Variants in KLHL5 observed in about 807,000 individuals in gnomAD.
KLHL5 encodes kelch-like protein 5.
Under a neutral mutation model 77.7 loss-of-function variants are expected in KLHL5, and 48 were observed. The ratio of observed to expected loss-of-function variants is 0.62; its 90% CI spans 0.49 to 0.79. The LOEUF (loss-of-function observed/expected upper bound fraction) is 0.79. Ranked by LOEUF, KLHL5 falls within the 30% of genes least tolerant of loss-of-function variation. The probability of loss-of-function intolerance (pLI) is 0.00; values close to 1 mark genes in which losing one functional copy is unlikely to be tolerated. For missense variants in KLHL5, 723 were observed against 859.7 expected (o/e 0.84, Z 1.99); for synonymous variants, 260 against 297.0 (o/e 0.88, Z 1.28).
At chr4:39,080,987 T>C (rs1719562020) in intron 2 of KLHL5, 116 bp from the exon 3 acceptor site, 2 of 953,618 alleles carry the variant, frequency 2.1e-6, no homozygotes, top group Non-Finnish European at 3.0e-6. Context: ...AAGCTTAAAA[T>C]GCATTTCCTA....
chr4:39,090,630 G>T (rs918566029), intron 5 of KLHL5, among the ~76,000 whole-genome samples: 4 of 151,838 alleles, frequency 2.6e-5, no homozygotes, highest in Non-Finnish European at 5.9e-5. Context: ...TGTATTTTTA[G>T]TAGAGATGGG....
At chr4:39,088,606 A>G (rs1358317622) in intron 5 of KLHL5, among the ~76,000 whole-genome samples, 1 of 152,130 alleles carries the variant, frequency 6.6e-6, no homozygotes, top group African/African-American at 2.4e-5. Flanking sequence ...GGTGGAAGAA[A>G]TAGATTAAAA....
chr4:39,048,934 G>A (rs952539891), intron 1 of KLHL5, among the ~76,000 whole-genome samples: 7 of 152,052 alleles, frequency 4.6e-5, no homozygotes, highest in African/African-American at 1.4e-4. Context: ...GAACCACCGC[G>A]CCTGGTGTAC....
At chr4:39,100,396 C>A (rs1024933271) in intron 6 of KLHL5, among the ~76,000 whole-genome samples, 4 of 152,138 alleles carry the variant, frequency 2.6e-5, no homozygotes, top group Non-Finnish European at 5.9e-5. Flanking sequence ...CCTTCTAATT[C>A]CAGTTAGCCT....
chr4:39,132,310 C>T, the KLHL5 span, among the ~76,000 whole-genome samples: 1 of 152,106 alleles, frequency 6.6e-6, no homozygotes, highest in Non-Finnish European at 1.5e-5. Flanking sequence ...GAAAATCTTC[C>T]CACAAAGAAA....
At chr4:39,139,781 G>A in the KLHL5 span, among the ~76,000 whole-genome samples, 1 of 152,192 alleles carries the variant, frequency 6.6e-6, no homozygotes, top group Non-Finnish European at 1.5e-5. Flanking sequence ...TGATGTTCCT[G>A]CCAAAGATGC....
Position 39,113,003 on chromosome 4 carries a change from A to G in KLHL5, c.1689-17A>G. ...TGGCACATGTCTTATTTATCATTTC[A>G]TATATTCTTTTTGCAGACTTTATGC... On this transcript the variant is annotated splice_polypyrimidine_tract_variant and intron_variant, in intron 8 of 10. Transcript: ENST00000504108. 3 of 1,605,154 alleles carry G rather than the reference A, an allele frequency of 1.9e-6. No homozygotes were observed. The highest frequency in any genetic ancestry group is 2.6e-6 in the Non-Finnish European group (3 of 1,173,754).
At chr4:39,077,795 G>T (rs1719219806) in intron 2 of KLHL5, among the ~76,000 whole-genome samples, 1 of 151,024 alleles carries the variant, frequency 6.6e-6, no homozygotes, top group Admixed American at 6.6e-5. Flanking sequence ...CAGAGGAAAA[G>T]AAGTCATTAT....
intron 1 of KLHL5, among the ~76,000 whole-genome samples, chr4:39,051,486 G>A (rs896883706): frequency 6.6e-6 from 1 of 152,132 alleles, no homozygotes; most frequent in Non-Finnish European, 1.5e-5. Context: ...TGCAAATGAA[G>A]GGGTTTTCTT....
rs1723394780 is a variant in KLHL5 at position 39,124,323 on chromosome 4, T to C, written c.*3257T>C. ...TGAAAAGCTGACCCTAGAATTTATA[T>C]GGGATTGCAAGTTACTGAAGGTACT... On this transcript the variant is annotated 3_prime_UTR_variant, in exon 11 of 11. Transcript: ENST00000504108. Among the ~76,000 whole-genome samples, 1 of 152,164 alleles carries C rather than the reference T, an allele frequency of 6.6e-6. No homozygotes were observed. The highest frequency in any genetic ancestry group is 1.5e-5 in the Non-Finnish European group (1 of 68,014).
intron 6 of KLHL5, among the ~76,000 whole-genome samples, chr4:39,098,708 C>T (rs1305235038): frequency 6.6e-6 from 1 of 151,884 alleles, no homozygotes; most frequent in African/African-American, 2.4e-5. Context: ...GGACTACAGG[C>T]ACCTGCCACC....
intron 5 of KLHL5, among the ~76,000 whole-genome samples, chr4:39,092,065 AT>A (rs1224467119): frequency 6.6e-6 from 1 of 152,078 alleles, no homozygotes; most frequent in Non-Finnish European, 1.5e-5. Context: ...TTTTAGAGCA[AT>A]AGTCATAAGG....
intron 6 of KLHL5, 91 bp downstream of exon 6, chr4:39,096,969 T>C: frequency 4.5e-6 from 5 of 1,100,058 alleles, no homozygotes; most frequent in Non-Finnish European, 6.8e-6. Context: ...TTTGGAGAAA[T>C]GGCTGGCTGC....
rs1723173368 is a variant in KLHL5, at chr4:39,120,993, C to G, written c.2074-17C>G. On this transcript the variant is annotated splice_polypyrimidine_tract_variant and intron_variant, in intron 10 of 10. Coordinates refer to ENST00000504108, the MANE Select transcript of KLHL5 (RefSeq NM_015990.5). ...TTTAACCTACAGATCCAATACATAT[C>G]TCTTTTTCCTTTTTAGGTTGCTCCA... is the stretch of plus-strand genomic sequence containing the variant. The G allele has an allele frequency of 1.2e-6, 2 of 1,602,644 alleles. No individual in the cohort carries two copies. Among genetic ancestry groups the G allele is most frequent in the Admixed American group, 1.7e-5 (1 of 59,980 alleles).
chr4:39,126,836 CTTT>C, downstream of KLHL5: 1 of 418,628 alleles, frequency 2.4e-6, no homozygotes, highest in Non-Finnish European at 4.7e-6. Context: ...TACTAGGCTT[CTTT>C]ACCAAAAATG....
At chr4:39,129,025 A>G (rs17508864), downstream of KLHL5, among the ~76,000 whole-genome samples, 79,529 of 151,598 alleles carry the variant, frequency 0.52, 21,471 homozygotes, top group Non-Finnish European at 0.59. This position sits in a 1 kb window ranked among gnomAD's most constrained non-coding sequence, Gnocchi z 4.2. Flanking sequence ...GCAATCAGCA[A>G]GCGGGCCCCC....
In KLHL5 at chr4:39,071,868, C is replaced by A. The variant is rs375296190; in HGVS notation, c.384-4097C>A. Among the ~76,000 whole-genome samples, 14 of 152,172 alleles carry A rather than the reference C, an allele frequency of 9.2e-5. No individual in the cohort carries two copies. The East Asian group carries it at 2.1e-3, about 23-fold the overall frequency. On this transcript the variant is annotated intron_variant, in intron 1 of 10. Transcript: ENST00000504108. ...GCAATGTATTCATTACAGTGAAAGT[C>A]TAATATAAAAGATTTGAATGATCTT...
intron 10 of KLHL5, among the ~76,000 whole-genome samples, chr4:39,117,027 G>A (rs1332267865): frequency 6.6e-6 from 1 of 152,060 alleles, no homozygotes; most frequent in East Asian, 1.9e-4. Flanking sequence ...AGTAGAGACG[G>A]GGTTTTGTCA....
downstream of KLHL5, among the ~76,000 whole-genome samples, chr4:39,128,549 T>C (rs1297416499): frequency 1.3e-5 from 2 of 152,192 alleles, no homozygotes; most frequent in Non-Finnish European, 2.9e-5. Flanking sequence ...TTGTAATTCA[T>C]TGTTTCAAAT....
Sources: allele counts gnomAD v4.1 joint callset (sites outside exome capture counted in the v4.1 genomes callset), GRCh38; gene constraint gnomAD v4.1.1; non-coding constraint Gnocchi (gnomAD v3.1); transcripts MANE v1.5; gene names NCBI Gene and HGNC (gene_info 2026-07-23, HGNC 2026-07-21).